MYH6: variants seen among roughly 807,000 people sequenced by gnomAD.
MYH6 encodes the protein myosin-6.
In MYH6, 126 loss-of-function variants were observed where a neutral mutation model predicts 223.2. That is an observed-to-expected ratio of 0.56 (90% CI 0.49 to 0.65). The LOEUF (loss-of-function observed/expected upper bound fraction) is 0.65, where lower values mean the gene tolerates loss of function less well. Ranked by LOEUF, MYH6 falls within the 30% of genes least tolerant of loss-of-function variation. The probability of loss-of-function intolerance (pLI) is 0.00; values close to 1 mark genes in which losing one functional copy is unlikely to be tolerated. For missense variants in MYH6, 2,040 were observed against 2,536.4 expected (o/e 0.80, Z 4.20); for synonymous variants, 978 against 1,010.2 (o/e 0.97, Z 0.61).
chr14:23,402,460 C>A lies in MYH6; in HGVS notation c.1141+4G>T, dbSNP rs775588328. ...TCCCAGGGCTGCCTGCCTGCCCCTC[C>A]CACCTTCGGTGCCGTCTGGCTCCGC... On this transcript the variant is annotated splice_donor_region_variant and intron_variant, in intron 12 of 38. Coordinates refer to ENST00000405093, the MANE Select transcript of MYH6 (RefSeq NM_002471.4). The A allele has an allele frequency of 6.2e-7, 1 of 1,612,806 alleles. No individual in the cohort carries two copies. The highest frequency in any genetic ancestry group is 8.5e-7 in the Non-Finnish European group (1 of 1,179,982).
chr14:23,382,612 G>A, intron 37 of MYH6, 50 bp from the exon 38 acceptor site: 1 of 1,613,996 alleles, frequency 6.2e-7, no homozygotes, highest in Non-Finnish European at 8.5e-7. Flanking sequence ...TGGGCTATGG[G>A]ATTCTCAGCC....
At position 23,383,339 on chromosome 14, in the gene MYH6, G is replaced by GGGGT; in HGVS notation, c.5566-20_5566-19insACCC. On this transcript the variant is annotated intron_variant, in intron 36 of 38. Coordinates refer to ENST00000405093, the MANE Select transcript of MYH6 (RefSeq NM_002471.4). ...CCTCTGTCTGGGGGTGGGAGGGTGG[G>GGGGT]AGAAGCTGGTTTGGAGGGGGAGCAA... The GGGGT allele has an allele frequency of 9.2e-6, 1 of 108,202 alleles. No individual in the cohort carries two copies. Among genetic ancestry groups the GGGGT allele is most frequent in the South Asian group, 7.5e-5 (1 of 13,332 alleles). The allele number at this position is 108,202 out of a possible 1,614,324, so 6.7% of individuals were successfully genotyped here.
intron 8 of MYH6, 87 bp downstream of exon 8, chr14:23,404,209 G>C: frequency 6.9e-7 from 1 of 1,450,556 alleles, no homozygotes; most frequent in South Asian, 1.1e-5. Flanking sequence ...GCCAGATACA[G>C]TACAATCAAC....
At chr14:23,388,571 A>G (rs941061284) in intron 29 of MYH6, 4 of 858,606 alleles carry the variant, frequency 4.7e-6, no homozygotes, top group Non-Finnish European at 8.1e-6. Context: ...CACCCCCCAC[A>G]CAGGCTGATC....
At chr14:23,403,569 G>T in intron 9 of MYH6, 123 bp from the exon 10 acceptor site, 1 of 1,167,228 alleles carries the variant, frequency 8.6e-7, no homozygotes, top group African/African-American at 1.5e-5. Context: ...CAGGCGAGAA[G>T]ATGTGGCTTA....
chr14:23,397,538 C>T lies in MYH6; in HGVS notation c.1962+5G>A. 1 of 1,614,198 alleles carries T rather than the reference C, an allele frequency of 6.2e-7. No homozygotes were observed. The highest frequency in any genetic ancestry group is 8.5e-7 in the Non-Finnish European group (1 of 1,180,030). Reference sequence around the variant, plus strand: ...GGTGTCCTGGCACCCCTGGGCCCTTCTTACCCGGTGGAGAGCCGACACCGT... The same window carrying T: ...GGTGTCCTGGCACCCCTGGGCCCTTTTTACCCGGTGGAGAGCCGACACCGT... On this transcript the variant is annotated splice_donor_5th_base_variant and intron_variant, in intron 16 of 38. Coordinates refer to ENST00000405093, the MANE Select transcript of MYH6 (RefSeq NM_002471.4).
chr14:23,393,206 T>C (rs1891290479), intron 23 of MYH6, 136 bp downstream of exon 23: 1 of 1,463,072 alleles, frequency 6.8e-7, no homozygotes, highest in African/African-American at 1.4e-5. Context: ...AGAGACCTAC[T>C]GTAGTGAGGA....
At position 23,405,422 on chromosome 14, in the gene MYH6, G is replaced by T. The variant is rs993565121; in HGVS notation, c.346-43C>A. On this transcript the variant is annotated intron_variant, in intron 4 of 38. Transcript: ENST00000405093. This position sits in a 1 kb window ranked among gnomAD's most constrained non-coding sequence, Gnocchi z 4.7. ...GCTGGGCATGAGGTTGGTGGGGAGA[G>T]CCTGGGACAGGCAGTGGTGGCAGCC... The T allele has an allele frequency of 1.9e-6, 3 of 1,613,714 alleles. No individual in the cohort carries two copies. Among genetic ancestry groups the T allele is most frequent in the Non-Finnish European group, 2.5e-6 (3 of 1,179,774 alleles).
intron 36 of MYH6, among the ~76,000 whole-genome samples, chr14:23,383,757 G>T (rs1248590819): frequency 6.6e-6 from 1 of 152,126 alleles, no homozygotes; most frequent in African/African-American, 2.4e-5. Context: ...CTAATATATT[G>T]TACTGGGCCA....
chr14:23,403,701 C>T lies in MYH6; in HGVS notation c.799+14G>A. 1 of 1,610,444 alleles carries T rather than the reference C, an allele frequency of 6.2e-7. No individual in the cohort carries two copies. Among genetic ancestry groups the T allele is most frequent in the Non-Finnish European group, 8.5e-7 (1 of 1,177,938 alleles). ...GGGGACCTAGAGGGTGGCAGCCTCC[C>T]TGCTGGTACTCACAGGTCTCTATGT... On this transcript the variant is annotated intron_variant, in intron 9 of 38. Transcript: ENST00000405093.
rs771141323 is a variant in MYH6, at chr14:23,399,085, C to A, written c.1582-48G>T. 4.3e-5 allele frequency: 69 copies of A among 1,602,610 alleles called. 1 individual carries two copies. Among genetic ancestry groups the A allele is most frequent in the African/African-American group, 4.0e-5 (3 of 74,638 alleles). On this transcript the variant is annotated intron_variant, in intron 14 of 38. Transcript: ENST00000405093. ...AAGAGAGAATCACTGAGCACACTCC[C>A]AGGCTTCCACAGTCCCATACCCTGA...
Position 23,386,065 on chromosome 14 carries a change from C to A in MYH6, c.5026G>T (p.Val1676Leu). The A allele has an allele frequency of 6.2e-7, 1 of 1,614,236 alleles. No individual in the cohort carries two copies. Among genetic ancestry groups the A allele is most frequent in the Non-Finnish European group, 8.5e-7 (1 of 1,180,036 alleles). ...TGCAGCAGGTTGTTGCGCCGCTCCA[C>A]GATGGCGATGTTCTCCTTCAGGTCG... ...NDDLKENIAI[V>L]ERRNNLLQAE... Residue 1676 changes from valine (V) to leucine (L), a missense_variant, in exon 34 of 39, where the codon GTG becomes TTG. By Grantham distance (32) the Val-to-Leu change is conservative. Around this residue, in one of 4 missense-constraint regions of MYH6, gnomAD observed 1,203 missense variants for 1,400.2 expected, o/e 0.86. Coordinates refer to ENST00000405093, the MANE Select transcript of MYH6 (RefSeq NM_002471.4).
rs148596692 is a variant in MYH6 at position 23,394,179 on chromosome 14, G to A, written c.2574C>T (p.Phe858=). 2.8e-5 allele frequency: 46 copies of A among 1,614,078 alleles called. No homozygotes were observed. Among genetic ancestry groups the A allele is most frequent in the African/African-American group, 2.4e-4 (18 of 74,934 alleles). The change falls in exon 21 of 39, where the codon TTC becomes TTT. Residue 858 remains phenylalanine (F), a synonymous_variant. Transcript: ENST00000405093. ...EKEMATMKEE[F]GRIKETLEKS... ...TCTCCAGCGTCTCTTTGATGCGCCC[G>A]AACTCTTCCTTCATGGTGGCCATCT... is the stretch of plus-strand genomic sequence containing the variant.
chr14:23,392,444 G>T, intron 25 of MYH6, 118 bp downstream of exon 25: 1 of 825,826 alleles, frequency 1.2e-6, no homozygotes, highest in Non-Finnish European at 2.2e-6. Context: ...AGGGATGGTT[G>T]GGTCTATGAG....
At position 23,386,302 on chromosome 14, in the gene MYH6, C is replaced by A. The variant is rs28730765; in HGVS notation, c.4959+13G>T. 1 of 1,614,094 alleles carries A rather than the reference C, an allele frequency of 6.2e-7. No individual in the cohort carries two copies. Among genetic ancestry groups the A allele is most frequent in the Non-Finnish European group, 8.5e-7 (1 of 1,180,016 alleles). Reference sequence around the variant, plus strand: ...AGGCCAGTCCCCTGAGGGGACCTCCCGCCCCCATGTACCTTCAGCAAGCTC... The same window carrying A: ...AGGCCAGTCCCCTGAGGGGACCTCCAGCCCCCATGTACCTTCAGCAAGCTC... On this transcript the variant is annotated intron_variant, in intron 33 of 38. Transcript: ENST00000405093.
Position 23,396,709 on chromosome 14 carries a change from C to T in MYH6, c.2277G>A (p.Lys759=), listed in dbSNP as rs1229444024. ...CTAGACTCACCTTGGTGTGGCCAAA[C>T]TTGTACTGGTTGTGATCAATGTCCA... ...SSLDIDHNQY[K]FGHTKVFFKA... Residue 759 remains lysine (K), a synonymous_variant, in exon 19 of 39, where the codon AAG becomes AAA. Transcript: ENST00000405093. 6.2e-7 allele frequency: 1 copy of T among 1,614,014 alleles called. No individual in the cohort carries two copies. Among genetic ancestry groups the T allele is most frequent in the Middle Eastern group, 1.7e-4 (1 of 6,056 alleles).
chr14:23,390,528 C>T (rs1441179100), intron 25 of MYH6, 82 bp from the exon 26 acceptor site: 1 of 1,557,634 alleles, frequency 6.4e-7, no homozygotes, highest in Non-Finnish European at 8.6e-7. Context: ...CTACCAGGAA[C>T]TTAGGTTCCT....
At chr14:23,397,763 A>G (rs1432494716) in intron 15 of MYH6, 150 bp from the exon 16 acceptor site, 9 of 846,972 alleles carry the variant, frequency 1.1e-5, no homozygotes, top group Non-Finnish European at 1.5e-5. Context: ...GACAGTAACA[A>G]CTTCCCAAAG....
rs111473291 is a variant in MYH6, at chr14:23,384,549, G to C, written c.5458C>G (p.Arg1820Gly). The change falls in exon 36 of 39, where the codon CGG becomes GGG. Residue 1820 changes from arginine (R) to glycine (G), a missense_variant. This residue lies in a region of MYH6 where 1,203 missense variants were observed against 1,400.2 expected (regional missense o/e 0.86). Transcript: ENST00000405093. ...AGCTCACCCTCCAGCTCCCGCACCC[G>C]CGCTTCCAGCTTCTGCAGCTGCTTC... ...GKKQLQKLEA[R>G]VRELEGELEA... The C allele has an allele frequency of 1.9e-6, 3 of 1,613,370 alleles. No homozygotes were observed. Among genetic ancestry groups the C allele is most frequent in the African/African-American group, 1.3e-5 (1 of 74,920 alleles).
Sources: allele counts gnomAD v4.1 joint callset (sites outside exome capture counted in the v4.1 genomes callset), GRCh38; gene constraint gnomAD v4.1.1; regional missense constraint gnomAD v4.1.1; non-coding constraint Gnocchi (gnomAD v3.1); transcripts MANE v1.5; gene names NCBI Gene and HGNC (gene_info 2026-07-23, HGNC 2026-07-21).